Variants in NBAS observed in about 807,000 individuals in gnomAD.
The protein encoded by NBAS is NBAS subunit of NRZ tethering complex, also known as NAG/BC035112 fusion.
A neutral mutation model predicts 302.5 loss-of-function variants in NBAS; 219 were observed. The ratio of observed to expected loss-of-function variants is 0.72; its 90% confidence interval spans 0.65 to 0.81. NBAS has a LOEUF of 0.81. Ranked by LOEUF, NBAS falls within the 30% of genes least tolerant of loss-of-function variation. The pLI is 0.00. For missense variants in NBAS, 2,932 were observed against 2,841.6 expected, an observed-to-expected ratio of 1.03 and a Z score of -0.72; for synonymous variants, 1,118 against 1,021.6, an observed-to-expected ratio of 1.09 and a Z score of -1.80.
chr2:15,372,156 C>A (rs568345131), intron 31 of NBAS, among the ~76,000 whole-genome samples: 36 of 152,120 alleles, frequency 2.4e-4, no homozygotes, highest in African/African-American at 8.2e-4. Flanking sequence ...AGCTGACTTA[C>A]CCTATTATAG....
intron 12 of NBAS, among the ~76,000 whole-genome samples, chr2:15,482,546 A>C (rs1461687755): frequency 2.0e-5 from 3 of 152,090 alleles, no homozygotes; most frequent in Non-Finnish European, 4.4e-5. Flanking sequence ...GGGTTAGAAG[A>C]GGTATCACAC....
At chr2:15,115,221 A>G in the NBAS span, among the ~76,000 whole-genome samples, 1 of 152,200 alleles carries the variant, frequency 6.6e-6, no homozygotes, top group Non-Finnish European at 1.5e-5. Flanking sequence ...AATCAGAGAG[A>G]CGCTGCATCT....
chr2:15,017,567 A>C, the NBAS span, among the ~76,000 whole-genome samples: 1 of 152,044 alleles, frequency 6.6e-6, no homozygotes, highest in Non-Finnish European at 1.5e-5. Flanking sequence ...ATAATGATTA[A>C]GAAACATCAC....
intron 48 of NBAS, among the ~76,000 whole-genome samples, chr2:15,217,290 G>C (rs987817949): frequency 3.9e-5 from 6 of 152,206 alleles, no homozygotes; most frequent in Admixed American, 1.3e-4. Context: ...GACAAGAATA[G>C]AGAATCTTTG....
At chr2:14,988,386 G>T in the NBAS span, among the ~76,000 whole-genome samples, 34 of 152,294 alleles carry the variant, frequency 2.2e-4, no homozygotes, top group African/African-American at 7.5e-4. Flanking sequence ...TACTAAAAGT[G>T]CCAGGACAAC....
At chr2:15,037,078 T>A in the NBAS span, among the ~76,000 whole-genome samples, 1 of 152,202 alleles carries the variant, frequency 6.6e-6, no homozygotes. Flanking sequence ...CAGTGTTTTT[T>A]GGAGCTTAGA....
chr2:15,289,305 T>C (rs1159655700), intron 41 of NBAS, among the ~76,000 whole-genome samples: 1 of 152,200 alleles, frequency 6.6e-6, no homozygotes, highest in Non-Finnish European at 1.5e-5. Context: ...TCTTGCTATG[T>C]TGCCAGGGCT....
At chr2:15,155,315 T>C in the NBAS span, among the ~76,000 whole-genome samples, 1 of 152,186 alleles carries the variant, frequency 6.6e-6, no homozygotes, top group Admixed American at 6.5e-5. Flanking sequence ...GCTAGCTCAG[T>C]TGCCCTACAT....
At chr2:15,414,969 A>G (rs1350239242) in intron 25 of NBAS, among the ~76,000 whole-genome samples, 1 of 152,178 alleles carries the variant, frequency 6.6e-6, no homozygotes, top group African/African-American at 2.4e-5. Context: ...AAGAATAATT[A>G]CAAGATGTCT....
In NBAS at chr2:15,342,561, G is replaced by A. The variant is rs557523732; in HGVS notation, c.4179+9431C>T. ...TCTGTCTGTACTTAGGAATATGGAA[G>A]GAAACATATGAAGTTAGAAATGTTT... On this transcript the variant is annotated intron_variant, in intron 35 of 51. Coordinates refer to ENST00000281513, the MANE Select transcript of NBAS (RefSeq NM_015909.4). 3.3e-5 allele frequency among the ~76,000 whole-genome samples: 5 copies of A among 152,124 alleles called. No individual in the cohort carries two copies. The East Asian group carries it at 9.7e-4, about 29-fold the overall frequency.
chr2:14,929,405 G>A, the NBAS span, among the ~76,000 whole-genome samples: 20 of 152,224 alleles, frequency 1.3e-4, no homozygotes, highest in African/African-American at 3.9e-4. Context: ...TTGAGACGGA[G>A]TCTCACTCTG....
intron 28 of NBAS, among the ~76,000 whole-genome samples, chr2:15,385,907 G>A (rs1416017617): frequency 3.3e-5 from 5 of 152,286 alleles, no homozygotes; most frequent in African/African-American, 4.8e-5. Flanking sequence ...TGGGGGAGAT[G>A]GGGTGGTAGG....
chr2:15,112,429 C>A, the NBAS span, among the ~76,000 whole-genome samples: 1 of 151,880 alleles, frequency 6.6e-6, no homozygotes, highest in Non-Finnish European at 1.5e-5. Context: ...CAGTGAAGAT[C>A]CAACATACGT....
chr2:15,537,598 G>C (rs1663581100), intron 7 of NBAS, among the ~76,000 whole-genome samples: 1 of 152,158 alleles, frequency 6.6e-6, no homozygotes, highest in Non-Finnish European at 1.5e-5. Context: ...GGACAGCAAA[G>C]CAAGATTCTG....
At chr2:15,091,017 C>CACAA in the NBAS span, among the ~76,000 whole-genome samples, 2 of 152,178 alleles carry the variant, frequency 1.3e-5, no homozygotes, top group Admixed American at 1.3e-4. Context: ...CAAGCCCTAA[C>CACAA]ACAAACAAGA....
the NBAS span, among the ~76,000 whole-genome samples, chr2:14,944,593 T>C: frequency 2.0e-5 from 3 of 152,146 alleles, no homozygotes; most frequent in Non-Finnish European, 4.4e-5. Context: ...TCCAAAATGG[T>C]GGCATACAAG....
At chr2:14,956,472 G>C in the NBAS span, among the ~76,000 whole-genome samples, 1 of 152,114 alleles carries the variant, frequency 6.6e-6, no homozygotes, top group Admixed American at 6.6e-5. Flanking sequence ...CCCACGCTCT[G>C]TAGTACCAAT....
At chr2:15,076,370 C>T in the NBAS span, among the ~76,000 whole-genome samples, 1 of 152,200 alleles carries the variant, frequency 6.6e-6, no homozygotes, top group African/African-American at 2.4e-5. Flanking sequence ...AACCAGTGTG[C>T]CCTTTCTGCT....
At chr2:15,214,922 C>T (rs1028416754) in intron 48 of NBAS, among the ~76,000 whole-genome samples, 3 of 152,068 alleles carry the variant, frequency 2.0e-5, no homozygotes, top group African/African-American at 2.4e-5. Flanking sequence ...CAAATTCAGA[C>T]ATACTGAAAT....
Sources: gnomAD v4.1 joint callset for allele counts (sites outside exome capture counted in the v4.1 genomes callset) on GRCh38, gnomAD v4.1.1 for gene constraint, MANE v1.5 for transcripts, NCBI Gene and HGNC (gene_info 2026-07-23, HGNC 2026-07-21) for gene names.